Variants in TUSC3 observed in about 807,000 individuals in gnomAD.
TUSC3 encodes tumor suppressor candidate 3, also known as dolichyl-diphosphooligosaccharide--protein glycosyltransferase subunit TUSC3.
Under a neutral mutation model 44.8 loss-of-function variants are expected in TUSC3, and 45 were observed. The ratio of observed to expected loss-of-function variants is 1.00; its 90% CI spans 0.79 to 1.29. The LOEUF (loss-of-function observed/expected upper bound fraction) is 1.29, where lower values mean the gene tolerates loss of function less well. TUSC3 is among the 50% of genes most tolerant of loss of function. TUSC3 has a pLI of 0.00. For missense variants in TUSC3, 519 were observed against 437.9 expected, an observed-to-expected ratio of 1.19 and a Z score of -1.65; for synonymous variants, 212 against 152.9, an observed-to-expected ratio of 1.39 and a Z score of -2.85.
chr8:15,704,480 A>G (rs975588084), intron 6 of TUSC3, among the ~76,000 whole-genome samples: 3 of 152,028 alleles, frequency 2.0e-5, no homozygotes, highest in African/African-American at 7.2e-5. Context: ...CAAGCCAAGG[A>G]GTGAGATAAT....
intron 1 of TUSC3, among the ~76,000 whole-genome samples, chr8:15,615,938 C>A (rs1267626611): frequency 6.6e-6 from 1 of 152,086 alleles, no homozygotes; most frequent in Non-Finnish European, 1.5e-5. Context: ...CTCAAGTGAT[C>A]CTCTGGACTC....
At chr8:15,443,208 C>G (rs757414001) in intron 1 of TUSC3, among the ~76,000 whole-genome samples, 1 of 151,948 alleles carries the variant, frequency 6.6e-6, no homozygotes, top group Non-Finnish European at 1.5e-5. Context: ...CACTGTCACC[C>G]AGGCTGGAGT....
chr8:15,455,856 C>A (rs959650385), intron 1 of TUSC3, among the ~76,000 whole-genome samples: 12 of 152,160 alleles, frequency 7.9e-5, no homozygotes, highest in African/African-American at 2.7e-4. Flanking sequence ...GAGAGACCAC[C>A]AGGCTAGGAG....
intron 4 of TUSC3, among the ~76,000 whole-genome samples, chr8:15,661,308 T>C (rs1354849833): frequency 1.3e-5 from 2 of 152,098 alleles, no homozygotes; most frequent in African/African-American, 4.8e-5. Flanking sequence ...TAGAGTTAGA[T>C]ATTTCATTTA....
intron 2 of TUSC3, among the ~76,000 whole-genome samples, chr8:15,650,053 T>TA (rs1194960930): frequency 1.3e-5 from 2 of 152,174 alleles, no homozygotes; most frequent in African/African-American, 4.8e-5. Context: ...AAATATCTAA[T>TA]AAAAATGTGT....
the TUSC3 span, among the ~76,000 whole-genome samples, chr8:15,788,585 G>A: frequency 1.3e-5 from 2 of 150,198 alleles, no homozygotes; most frequent in Non-Finnish European, 3.0e-5. Context: ...TTTCAAAGCT[G>A]TTTACAACAA....
chr8:15,717,469 A>G (rs1810100356), intron 6 of TUSC3, among the ~76,000 whole-genome samples: 1 of 152,092 alleles, frequency 6.6e-6, no homozygotes, highest in Non-Finnish European at 1.5e-5. Context: ...TCCCAATCAT[A>G]TCTATCTCCA....
rs539720299 is a variant in TUSC3 at position 15,646,994 on chromosome 8, C to T, written c.309-3703C>T. On this transcript the variant is annotated intron_variant, in intron 2 of 10. Coordinates refer to ENST00000503731, the MANE Select transcript of TUSC3 (RefSeq NM_006765.4). ...CCTATGGCTGATGTTTTTTGATTCC[C>T]GCATTGTGATATGAAGATGAGCAGA... 1.2e-3 allele frequency among the ~76,000 whole-genome samples: 181 copies of T among 151,920 alleles called. 1 individual carries two copies. Among genetic ancestry groups the T allele is most frequent in the Non-Finnish European group, 2.1e-3 (142 of 67,914 alleles).
intron 1 of TUSC3, among the ~76,000 whole-genome samples, chr8:15,612,793 C>G (rs1288374743): frequency 6.6e-6 from 1 of 151,702 alleles, no homozygotes; most frequent in Non-Finnish European, 1.5e-5. Context: ...TTTCTTTTTC[C>G]TTTTCTGATG....
At position 15,521,290 on chromosome 8, in the gene TUSC3, C is replaced by T. The variant is rs148686695; in HGVS notation, n.189+37807C>T. Among the ~76,000 whole-genome samples the T allele has an allele frequency of 9.2e-4, 140 of 152,222 alleles. No individual in the cohort carries two copies. In the East Asian group the frequency reaches 0.026, roughly 29 times the overall value. ...GGCTGGGTAGCATGGCCTTGGCTTACCACTGACCTTCAGGGTTCATGCAGT... is the reference window on the plus strand; with the variant it reads ...GGCTGGGTAGCATGGCCTTGGCTTATCACTGACCTTCAGGGTTCATGCAGT... On this transcript the variant is annotated intron_variant and non_coding_transcript_variant, in intron 2 of 5. Transcript: ENST00000503191.
intron 2 of TUSC3, among the ~76,000 whole-genome samples, chr8:15,503,865 C>G (rs931192325): frequency 6.6e-6 from 1 of 151,672 alleles, no homozygotes; most frequent in African/African-American, 2.4e-5. Flanking sequence ...GTAATGGCTC[C>G]ACAGCTGGGT....
chr8:15,848,131 C>A, the TUSC3 span, among the ~76,000 whole-genome samples: 4 of 152,128 alleles, frequency 2.6e-5, no homozygotes, highest in African/African-American at 9.7e-5. Context: ...CTCCTTCCCC[C>A]CGAGTGAAGT....
chr8:15,847,521 C>T, the TUSC3 span, among the ~76,000 whole-genome samples: 1 of 152,126 alleles, frequency 6.6e-6, no homozygotes, highest in African/African-American at 2.4e-5. Context: ...CACGCAAATA[C>T]GTTCTACCTA....
rs556102077 is a variant in TUSC3 at position 15,576,637 on chromosome 8, G to A, written c.138+36069G>A. ...TCATCCATGTCCCTACAAAGGACAC[G>A]AACTCATCATTTTTTATGGCTGCAT... On this transcript the variant is annotated intron_variant, in intron 1 of 10. Transcript: ENST00000503731. 2.5e-4 allele frequency among the ~76,000 whole-genome samples: 36 copies of A among 143,168 alleles called. 1 individual carries two copies. In the South Asian group the frequency reaches 7.6e-3, roughly 30 times the overall value. 93.9% of individuals were successfully genotyped at this position (143,168 alleles called of 152,430 possible). A position where few individuals can be genotyped will look rare whatever the true frequency, so the allele number is the denominator to read the frequency against.
At chr8:15,612,565 A>G (rs1804809199) in intron 1 of TUSC3, among the ~76,000 whole-genome samples, 1 of 152,216 alleles carries the variant, frequency 6.6e-6, no homozygotes, top group Non-Finnish European at 1.5e-5. Context: ...CAGCTTGTTT[A>G]TTATACTGAG....
chr8:15,780,519 G>A, the TUSC3 span, among the ~76,000 whole-genome samples: 1 of 152,208 alleles, frequency 6.6e-6, no homozygotes, highest in Non-Finnish European at 1.5e-5. Flanking sequence ...GAATAGGGCA[G>A]AGAAAACTCA....
chr8:15,850,772 T>C, the TUSC3 span, among the ~76,000 whole-genome samples: 6 of 152,284 alleles, frequency 3.9e-5, no homozygotes, highest in Admixed American at 2.6e-4. Context: ...TAAAACGACA[T>C]TGAAACCAAA....
intron 1 of TUSC3, among the ~76,000 whole-genome samples, chr8:15,440,530 G>A (rs73189502): frequency 0.16 from 24,732 of 152,052 alleles, 2,091 homozygotes; most frequent in Middle Eastern, 0.22. Flanking sequence ...GAGTTGGGAG[G>A]GGCCAGAGGA....
At chr8:15,457,676 C>A (rs935268978) in intron 1 of TUSC3, among the ~76,000 whole-genome samples, 1 of 149,180 alleles carries the variant, frequency 6.7e-6, no homozygotes, top group Non-Finnish European at 1.5e-5. Flanking sequence ...ATATAAACAG[C>A]ATTGCATTCA....
Sources: gnomAD v4.1 joint callset for allele counts (sites outside exome capture counted in the v4.1 genomes callset) on GRCh38, gnomAD v4.1.1 for gene constraint, MANE v1.5 for transcripts, NCBI Gene and HGNC (gene_info 2026-07-23, HGNC 2026-07-21) for gene names.